GPC5: variants seen among roughly 807,000 people sequenced by gnomAD.
GPC5 encodes the protein glypican 5.
In GPC5, 47 loss-of-function variants were observed where a neutral mutation model predicts 53.9. The observed-to-expected ratio is 0.87, with a 90% CI of 0.69 to 1.11. The LOEUF (loss-of-function observed/expected upper bound fraction) is 1.11, where lower values mean the gene tolerates loss of function less well. Ranked by LOEUF, GPC5 falls within the 50% of genes most tolerant of loss-of-function variation. GPC5 has a pLI of 0.00. For synonymous variants in GPC5, 286 were observed against 263.3 expected (o/e 1.09, Z -0.84); for missense variants, 748 against 713.1 (o/e 1.05, Z -0.56).
chr13:92,071,560 T>C (rs1045630024), intron 6 of GPC5, among the ~76,000 whole-genome samples: 4 of 152,050 alleles, frequency 2.6e-5, no homozygotes, highest in African/African-American at 9.7e-5. Flanking sequence ...CTTATCCCTC[T>C]AACTTGAAAT....
At chr13:92,535,507 G>A (rs1305442840) in intron 7 of GPC5, among the ~76,000 whole-genome samples, 2 of 152,202 alleles carry the variant, frequency 1.3e-5, no homozygotes, top group African/African-American at 4.8e-5. Flanking sequence ...AGAAGCAATC[G>A]TGATGAATGA....
At chr13:91,888,998 GA>G (rs2039356180) in intron 5 of GPC5, among the ~76,000 whole-genome samples, 1 of 152,194 alleles carries the variant, frequency 6.6e-6, no homozygotes, top group Non-Finnish European at 1.5e-5. Context: ...CTGGAGTTAT[GA>G]ATTGCTAGAC....
intron 7 of GPC5, among the ~76,000 whole-genome samples, chr13:92,632,733 T>G (rs928833944): frequency 6.6e-6 from 1 of 152,002 alleles, no homozygotes; most frequent in Non-Finnish European, 1.5e-5. Flanking sequence ...GACTGGCCAA[T>G]TTACAAAAGA....
At chr13:91,990,637 G>A (rs2040448319) in intron 6 of GPC5, among the ~76,000 whole-genome samples, 1 of 152,106 alleles carries the variant, frequency 6.6e-6, no homozygotes. Flanking sequence ...TTTAGAGAAT[G>A]GTAATTCAGT....
At chr13:91,563,315 C>G (rs1169604770) in intron 2 of GPC5, among the ~76,000 whole-genome samples, 1 of 151,962 alleles carries the variant, frequency 6.6e-6, no homozygotes, top group Non-Finnish European at 1.5e-5. Flanking sequence ...AATTAATGTT[C>G]AAACATATAA....
chr13:92,466,939 G>T (rs1297848659), intron 7 of GPC5, among the ~76,000 whole-genome samples: 1 of 152,112 alleles, frequency 6.6e-6, no homozygotes, highest in Non-Finnish European at 1.5e-5. Context: ...AGACAAGAGG[G>T]TACTGAATAT....
intron 7 of GPC5, among the ~76,000 whole-genome samples, chr13:92,229,016 C>T (rs938050651): frequency 1.3e-5 from 2 of 151,936 alleles, no homozygotes; most frequent in African/African-American, 4.8e-5. Context: ...AATAGCAAAA[C>T]ACAAATTTGC....
chr13:92,232,475 T>C (rs1403612953), intron 7 of GPC5, among the ~76,000 whole-genome samples: 1 of 152,240 alleles, frequency 6.6e-6, no homozygotes, highest in Non-Finnish European at 1.5e-5. Context: ...CAACTAAGGC[T>C]GGCTAGGGTC....
intron 2 of GPC5, among the ~76,000 whole-genome samples, chr13:91,635,747 C>A (rs1000881767): frequency 6.6e-6 from 1 of 152,106 alleles, no homozygotes; most frequent in African/African-American, 2.4e-5. Context: ...CCCACTGATA[C>A]ACTGAAGCCA....
chr13:92,103,628 T>C (rs1303303901), intron 6 of GPC5, among the ~76,000 whole-genome samples: 3 of 152,176 alleles, frequency 2.0e-5, no homozygotes, highest in African/African-American at 4.8e-5. Context: ...CCAAAATTAC[T>C]GTGAAACCTC....
chr13:91,866,474 G>A lies in GPC5; in HGVS notation c.1281-41463G>A, dbSNP rs568087126. 3.7e-4 allele frequency among the ~76,000 whole-genome samples: 57 copies of A among 152,136 alleles called. No homozygotes were observed. The South Asian group carries it at 4.2e-3, about 11-fold the overall frequency. On this transcript the variant is annotated intron_variant, in intron 5 of 7. Coordinates refer to ENST00000377067, the MANE Select transcript of GPC5 (RefSeq NM_004466.6). ...TCCTCCTGGTAATGGGTGAGTTCTC[G>A]CTCTATGAATTCACAAGAGATCTTG...
intron 5 of GPC5, among the ~76,000 whole-genome samples, chr13:91,877,041 C>A (rs1275452885): frequency 6.6e-6 from 1 of 152,172 alleles, no homozygotes; most frequent in Non-Finnish European, 1.5e-5. Flanking sequence ...AGATGTTGAG[C>A]CTGTGGGTAC....
chr13:91,813,391 T>A (rs2038344901), intron 5 of GPC5, among the ~76,000 whole-genome samples: 1 of 152,212 alleles, frequency 6.6e-6, no homozygotes, highest in East Asian at 1.9e-4. Flanking sequence ...AGATTTCGGC[T>A]GCTGTGATGC....
At chr13:91,974,849 C>A (rs1434728062) in intron 6 of GPC5, among the ~76,000 whole-genome samples, 1 of 152,198 alleles carries the variant, frequency 6.6e-6, no homozygotes, top group East Asian at 1.9e-4. Context: ...CGGAGGCATC[C>A]CGCTACCTGA....
intron 6 of GPC5, among the ~76,000 whole-genome samples, chr13:92,091,933 T>C (rs746718602): frequency 2.0e-4 from 31 of 152,208 alleles, no homozygotes; most frequent in Non-Finnish European, 4.4e-4. Context: ...AGATTTGCTT[T>C]TTTACTTTCA....
chr13:92,361,322 C>T (rs949004387), intron 7 of GPC5, among the ~76,000 whole-genome samples: 3 of 151,652 alleles, frequency 2.0e-5, no homozygotes, highest in Non-Finnish European at 4.4e-5. Flanking sequence ...ACTTTGACTT[C>T]TATCTGATCA....
chr13:92,100,919 A>T (rs1343330130), intron 6 of GPC5, among the ~76,000 whole-genome samples: 1 of 152,228 alleles, frequency 6.6e-6, no homozygotes, highest in Non-Finnish European at 1.5e-5. Flanking sequence ...AGTCACATGT[A>T]TCATATCTAG....
At chr13:92,825,435 A>G (rs778644713) in intron 7 of GPC5, among the ~76,000 whole-genome samples, 14 of 152,136 alleles carry the variant, frequency 9.2e-5, no homozygotes, top group Non-Finnish European at 2.1e-4. Context: ...AAAAATGCAA[A>G]TGTTATTAAT....
At chr13:92,164,810 C>T (rs2042015524) in intron 7 of GPC5, among the ~76,000 whole-genome samples, 1 of 152,336 alleles carries the variant, frequency 6.6e-6, no homozygotes, top group East Asian at 1.9e-4. Context: ...AGCACCTCTG[C>T]CTGGACATCC....
Sources: allele counts gnomAD v4.1 joint callset (sites outside exome capture counted in the v4.1 genomes callset), GRCh38; gene constraint gnomAD v4.1.1; transcripts MANE v1.5; gene names NCBI Gene and HGNC (gene_info 2026-07-23, HGNC 2026-07-21).